The following CTNNA2 variants were observed in gnomAD, a reference collection of about 807,000 sequenced individuals.
CTNNA2 encodes catenin alpha-2.
Under a neutral mutation model 101.0 loss-of-function variants are expected in CTNNA2, and 42 were observed. The ratio of observed to expected loss-of-function variants is 0.42; its 90% CI spans 0.32 to 0.54. The LOEUF (loss-of-function observed/expected upper bound fraction) is 0.54. Ranked by LOEUF, CTNNA2 falls within the 20% of genes least tolerant of loss-of-function variation. The probability of loss-of-function intolerance (pLI) is 0.14; values close to 1 mark genes in which losing one functional copy is unlikely to be tolerated. For synonymous variants in CTNNA2, 450 were observed against 456.4 expected, an observed-to-expected ratio of 0.99 and a Z score of 0.18; for missense variants, 871 against 1,223.1, an observed-to-expected ratio of 0.71 and a Z score of 4.29.
At chr2:79,839,526 T>G (rs1449099519) in intron 3 of CTNNA2, among the ~76,000 whole-genome samples, 2 of 152,070 alleles carry the variant, frequency 1.3e-5, no homozygotes, top group Non-Finnish European at 2.9e-5. Context: ...TACTTATTCT[T>G]TTCTTTGCAA....
At chr2:80,584,719 G>C (rs528034397) in intron 14 of CTNNA2, among the ~76,000 whole-genome samples, 3 of 151,968 alleles carry the variant, frequency 2.0e-5, no homozygotes, top group African/African-American at 4.8e-5. Context: ...TCATCTCCTC[G>C]TATGCTACCA....
rs116367707 is a variant in CTNNA2, at chr2:79,968,013, A to G, written c.1056+58216A>G. Among the ~76,000 whole-genome samples, 518 of 152,300 alleles carry G rather than the reference A, an allele frequency of 3.4e-3. 4 individuals carry two copies. Among genetic ancestry groups the G allele is most frequent in the African/African-American group, 0.012 (503 of 41,566 alleles). ...ATATCCAGAATTGGCAAATCTATAG[A>G]GAAAGAACATAGGTTGGTGGTTATC... On this transcript the variant is annotated intron_variant, in intron 7 of 18. Transcript: ENST00000402739.
At chr2:79,941,433 A>G (rs1025162883) in intron 7 of CTNNA2, among the ~76,000 whole-genome samples, 1 of 152,100 alleles carries the variant, frequency 6.6e-6, no homozygotes, top group East Asian at 1.9e-4. Context: ...TTGCATTCTG[A>G]GACCTTGTCA....
intron 4 of CTNNA2, among the ~76,000 whole-genome samples, chr2:79,387,368 ATTAGCTCG>A (rs1330814541): frequency 6.6e-6 from 1 of 152,164 alleles, no homozygotes; most frequent in East Asian, 1.9e-4. Context: ...CTATTTCCAG[ATTAGCTCG>A]TCAGGGAATC....
intron 7 of CTNNA2, among the ~76,000 whole-genome samples, chr2:80,179,433 G>C (rs907532767): frequency 6.6e-6 from 1 of 152,030 alleles, no homozygotes. Context: ...GAGTGCAGTG[G>C]CATGATCTCA....
intron 7 of CTNNA2, among the ~76,000 whole-genome samples, chr2:80,191,682 CAAAA>C (rs59766518): frequency 6.6e-6 from 1 of 151,902 alleles, no homozygotes; most frequent in East Asian, 1.9e-4. Flanking sequence ...TGAAGAGTAA[CAAAA>C]AACATTATTT....
intron 2 of CTNNA2, among the ~76,000 whole-genome samples, chr2:79,210,171 G>A (rs17704518): frequency 0.09 from 13,567 of 151,180 alleles, 663 homozygotes; most frequent in Middle Eastern, 0.19. Context: ...AACCCACGTG[G>A]AGATTTGTTA....
At chr2:80,527,154 A>C (rs1690116115) in intron 9 of CTNNA2, among the ~76,000 whole-genome samples, 1 of 152,244 alleles carries the variant, frequency 6.6e-6, no homozygotes, top group South Asian at 2.1e-4. Flanking sequence ...CTTTCTAATT[A>C]AAAGTGTCAG....
At chr2:80,346,015 A>G (rs971479938) in intron 7 of CTNNA2, among the ~76,000 whole-genome samples, 6 of 152,248 alleles carry the variant, frequency 3.9e-5, no homozygotes, top group Non-Finnish European at 1.5e-5. Context: ...ACAATTATTT[A>G]TAAGAAAGAT....
chr2:80,331,950 T>C (rs1001871471), intron 7 of CTNNA2, among the ~76,000 whole-genome samples: 9 of 152,142 alleles, frequency 5.9e-5, no homozygotes, highest in Non-Finnish European at 1.2e-4. Context: ...TTTTGTAAGC[T>C]GTGCATTTGG....
intron 6 of CTNNA2, among the ~76,000 whole-genome samples, chr2:79,877,366 C>T (rs1683106392): frequency 6.6e-6 from 1 of 152,152 alleles, no homozygotes; most frequent in Non-Finnish European, 1.5e-5. Flanking sequence ...ATTGAATTTA[C>T]AGACTGTAAT....
intron 6 of CTNNA2, among the ~76,000 whole-genome samples, chr2:79,906,475 A>G (rs1685434696): frequency 6.6e-6 from 1 of 152,160 alleles, no homozygotes; most frequent in Non-Finnish European, 1.5e-5. Context: ...CCCCATCTGT[A>G]CTGCAGATAC....
At chr2:80,619,024 T>A (rs917399119) in intron 17 of CTNNA2, 61 bp from the exon 18 acceptor site, 5 of 1,099,286 alleles carry the variant, frequency 4.5e-6, no homozygotes, top group Non-Finnish European at 6.0e-6. Flanking sequence ...GTAGGGTACT[T>A]TTTTTTTTTT....
chr2:80,429,273 A>G (rs1028839982), intron 9 of CTNNA2, among the ~76,000 whole-genome samples: 7 of 152,212 alleles, frequency 4.6e-5, no homozygotes, highest in African/African-American at 1.7e-4. Flanking sequence ...TTAACTATTT[A>G]TAACCTTATT....
intron 1 of CTNNA2, among the ~76,000 whole-genome samples, chr2:79,598,244 C>G (rs1201419246): frequency 6.6e-6 from 1 of 152,206 alleles, no homozygotes; most frequent in Non-Finnish European, 1.5e-5. Context: ...CAAGCTTTGA[C>G]AATTACAAAT....
intron 2 of CTNNA2, among the ~76,000 whole-genome samples, chr2:79,234,107 A>G (rs1468846981): frequency 6.6e-6 from 1 of 150,972 alleles, no homozygotes; most frequent in Non-Finnish European, 1.5e-5. Context: ...GGTTTTGTAG[A>G]CTTGATGGTG....
At chr2:79,455,571 G>A (rs1355371042) in intron 4 of CTNNA2, among the ~76,000 whole-genome samples, 4 of 152,092 alleles carry the variant, frequency 2.6e-5, no homozygotes, top group African/African-American at 4.8e-5. Flanking sequence ...CTCCCTTGTT[G>A]TTGTCTATTA....
intron 2 of CTNNA2, among the ~76,000 whole-genome samples, chr2:79,273,306 A>G (rs1675131597): frequency 6.6e-6 from 1 of 152,084 alleles, no homozygotes; most frequent in Admixed American, 6.6e-5. Flanking sequence ...AACTAATTAA[A>G]ACATTATAAT....
At chr2:79,358,732 T>C (rs1341857530) in intron 3 of CTNNA2, among the ~76,000 whole-genome samples, 1 of 152,218 alleles carries the variant, frequency 6.6e-6, no homozygotes, top group East Asian at 1.9e-4. Flanking sequence ...TCCTAGGTTT[T>C]TAACTCTAAA....
Sources: allele counts gnomAD v4.1 joint callset (sites outside exome capture counted in the v4.1 genomes callset), GRCh38; gene constraint gnomAD v4.1.1; transcripts MANE v1.5; gene names NCBI Gene and HGNC (gene_info 2026-07-23, HGNC 2026-07-21).